The following CCDC33 variants were observed in gnomAD, a reference collection of about 807,000 sequenced individuals.
CCDC33 encodes coiled-coil domain containing 33.
A neutral mutation model predicts 91.9 loss-of-function variants in CCDC33; 94 were observed. That is an observed-to-expected ratio of 1.02 (90% CI 0.87 to 1.21). The LOEUF is 1.21. Among genes scored for constraint, CCDC33 ranks in the 50% most tolerant of loss-of-function variants. The pLI, the probability that CCDC33 is intolerant of heterozygous loss-of-function variation, is 0.00. For synonymous variants in CCDC33, 396 were observed against 374.5 expected, an observed-to-expected ratio of 1.06 and a Z score of -0.66; for missense variants, 940 against 935.5, an observed-to-expected ratio of 1.00 and a Z score of -0.06.
chr15:74,272,684 T>C lies in CCDC33; in HGVS notation c.639-87T>C, dbSNP rs921909766. Reference sequence around the variant, plus strand: ...ATCCCTGCAACTCCCTTCTCTTGCATCAACCCAGAGTCTAAGCGGGGGGCC... The same window carrying C: ...ATCCCTGCAACTCCCTTCTCTTGCACCAACCCAGAGTCTAAGCGGGGGGCC... On this transcript the variant is annotated intron_variant, in intron 6 of 18. Coordinates refer to ENST00000398814, the MANE Select transcript of CCDC33 (RefSeq NM_025055.5). 3.9e-6 allele frequency: 6 copies of C among 1,534,294 alleles called. 1 individual carries two copies. In the African/African-American group the frequency reaches 8.2e-5, roughly 21 times the overall value.
exon 2 of CCDC33, chr15:74,209,499 G>A: frequency 6.7e-7 from 1 of 1,488,304 alleles, no homozygotes; most frequent in Non-Finnish European, 9.0e-7. Context: ...CACAGCTAAG[G>A]GGAGTCATCA....
Position 74,256,341 on chromosome 15 carries a change from C to T in CCDC33, c.186-6099C>T, listed in dbSNP as rs139424138. On this transcript the variant is annotated intron_variant, in intron 2 of 18. Coordinates refer to ENST00000398814, the MANE Select transcript of CCDC33 (RefSeq NM_025055.5). ...CAGAATGACAGGAATCAGAAGAGTC[C>T]GGTGATTTCTGTGAGGTCAGGAAGT... Among the ~76,000 whole-genome samples, 190 of 152,270 alleles carry T rather than the reference C, an allele frequency of 1.2e-3. No individual in the cohort carries two copies. The Middle Eastern group carries it at 0.017, about 14-fold the overall frequency.
At chr15:74,334,016 G>A (rs2060498876) in intron 17 of CCDC33, 49 bp downstream of exon 17, 1 of 1,498,586 alleles carries the variant, frequency 6.7e-7, no homozygotes, top group Non-Finnish European at 9.3e-7. Context: ...TCACCACACA[G>A]CCTATAACCA....
At chr15:74,205,873 G>A (rs922640033) in intron 1 of CCDC33, among the ~76,000 whole-genome samples, 5 of 152,222 alleles carry the variant, frequency 3.3e-5, no homozygotes, top group African/African-American at 1.2e-4. Context: ...TCCCCTGGTG[G>A]GGGCCTAGCA....
At chr15:74,208,530 C>G (rs1318935347) in intron 1 of CCDC33, among the ~76,000 whole-genome samples, 1 of 152,138 alleles carries the variant, frequency 6.6e-6, no homozygotes, top group East Asian at 1.9e-4. Flanking sequence ...CAACCTTTTG[C>G]CCACAGCCAG....
At chr15:74,203,405 C>T (rs117225985) in intron 1 of CCDC33, among the ~76,000 whole-genome samples, 2,682 of 152,250 alleles carry the variant, frequency 0.018, 28 homozygotes, top group South Asian at 0.042. Context: ...ATTCTCCCTC[C>T]CCAGGAGCAG....
At chr15:74,261,927 A>C (rs966449650) in intron 2 of CCDC33, among the ~76,000 whole-genome samples, 2 of 152,222 alleles carry the variant, frequency 1.3e-5, no homozygotes, top group South Asian at 4.1e-4. Flanking sequence ...TGCGTGCTTC[A>C]TTGCAAGCAT....
chr15:74,323,611 TCC>T (rs2060248856), intron 11 of CCDC33, among the ~76,000 whole-genome samples: 1 of 152,136 alleles, frequency 6.6e-6, no homozygotes, highest in South Asian at 2.1e-4. Flanking sequence ...CACTGCAACC[TCC>T]GCCTCCCGGG....
chr15:74,267,996 TACTCACCCTGGGAG>T (rs765461270), intron 4 of CCDC33, among the ~76,000 whole-genome samples: 1 of 152,188 alleles, frequency 6.6e-6, no homozygotes. Context: ...AGAGATGTGC[TACTCACCCTGGGAG>T]ACTCAGCACT....
At chr15:74,268,261 C>A in intron 4 of CCDC33, 81 bp from the exon 5 acceptor site, 2 of 980,132 alleles carry the variant, frequency 2.0e-6, no homozygotes, top group Non-Finnish European at 3.3e-6. Flanking sequence ...TGATTGTCTG[C>A]AGAGGGCTGG....
intron 12 of CCDC33, 34 bp from the exon 13 acceptor site, chr15:74,330,629 C>T (rs773006176): frequency 6.5e-7 from 1 of 1,544,626 alleles, no homozygotes; most frequent in Non-Finnish European, 8.9e-7. Context: ...GGAGAGGCTT[C>T]CTCCCTGAGC....
intron 2 of CCDC33, among the ~76,000 whole-genome samples, chr15:74,210,184 T>G (rs1465220533): frequency 6.6e-6 from 1 of 152,200 alleles, no homozygotes; most frequent in Non-Finnish European, 1.5e-5. Context: ...AATTAACCTT[T>G]GGCACACTTT....
In CCDC33 at chr15:74,330,681, T is replaced by TGAGTGA; in HGVS notation, c.1476_1477insAGTGAG (p.Leu492_Leu493insSerGlu). Reference sequence around the variant, plus strand: ...CTAACAGTGTCCATGAAGCAGAAACTGCTGCTGAGTGAGCTGGATATGAAG... The same window carrying TGAGTGA: ...CTAACAGTGTCCATGAAGCAGAAACTGAGTGAGCTGCTGAGTGAGCTGGATATGAAG... On this transcript the variant is annotated inframe_insertion, in exon 13 of 19. Transcript: ENST00000398814. The TGAGTGA allele has an allele frequency of 6.2e-7, 1 of 1,613,574 alleles. No homozygotes were observed. Among genetic ancestry groups the TGAGTGA allele is most frequent in the Non-Finnish European group, 8.5e-7 (1 of 1,179,964 alleles).
At position 74,262,562 on chromosome 15, in the gene CCDC33, CAGGGCAAGAAGGTA is replaced by C; in HGVS notation, c.311_319+5del. 6.2e-7 allele frequency: 1 copy of C among 1,612,816 alleles called. No individual in the cohort carries two copies. The highest frequency in any genetic ancestry group is 8.5e-7 in the Non-Finnish European group (1 of 1,179,490). ...AATGTGGAGATCCAAGCTGAGGATG[CAGGGCAAGAAGGTA>C]AGCAGGGGCTGGGCAGGGCCGGCAT... On this transcript the variant is annotated splice_donor_variant and splice_donor_region_variant and coding_sequence_variant and intron_variant, in exon 3 of 19. Coordinates refer to ENST00000398814, the MANE Select transcript of CCDC33 (RefSeq NM_025055.5). LOFTEE classifies it high-confidence loss of function.
intron 5 of CCDC33, among the ~76,000 whole-genome samples, chr15:74,269,975 G>A (rs2076270550): frequency 6.6e-6 from 1 of 152,166 alleles, no homozygotes; most frequent in African/African-American, 2.4e-5. Flanking sequence ...TACACCTGCT[G>A]GGGAGCCTGT....
At chr15:74,308,386 C>CA (rs3222833) in intron 11 of CCDC33, among the ~76,000 whole-genome samples, 1 of 151,888 alleles carries the variant, frequency 6.6e-6, no homozygotes, top group African/African-American at 2.4e-5. Context: ...CACACACACA[C>CA]ATTTGGTGCT....
chr15:74,285,566 C>T (rs546622938), intron 10 of CCDC33, among the ~76,000 whole-genome samples: 6 of 152,088 alleles, frequency 3.9e-5, no homozygotes, highest in African/African-American at 1.4e-4. Flanking sequence ...GGCTTTGCCC[C>T]CGAGGCTGCA....
intron 11 of CCDC33, among the ~76,000 whole-genome samples, chr15:74,317,886 TG>T (rs1455363793): frequency 1.9e-5 from 2 of 104,588 alleles, no homozygotes; most frequent in Non-Finnish European, 4.3e-5. Context: ...TGTTTGGGTT[TG>T]TTTTTTTTTT....
intron 2 of CCDC33, among the ~76,000 whole-genome samples, chr15:74,248,526 C>A (rs1320450753): frequency 1.3e-5 from 2 of 152,076 alleles, no homozygotes; most frequent in African/African-American, 4.8e-5. Context: ...TTTGTTGCAT[C>A]CCTAGCAGGC....
Sources: allele counts gnomAD v4.1 joint callset (sites outside exome capture counted in the v4.1 genomes callset), GRCh38; gene constraint gnomAD v4.1.1; transcripts MANE v1.5; gene names NCBI Gene and HGNC (gene_info 2026-07-23, HGNC 2026-07-21).